The following ASIP variants were observed in gnomAD, a reference collection of about 807,000 sequenced individuals.
ASIP encodes agouti-signaling protein.
A neutral mutation model predicts 10.3 loss-of-function variants in ASIP; 11 were observed. The observed-to-expected ratio is 1.07, with a 90% CI of 0.68 to 1.78. The LOEUF is 1.78. ASIP is among the 40% of genes most tolerant of loss of function. The pLI is 0.00. For missense variants in ASIP, 180 were observed against 169.2 expected (o/e 1.06, Z -0.35); for synonymous variants, 70 against 70.8 (o/e 0.99, Z 0.06).
chr20:34,203,794 C>T (rs2081803115), intron 1 of ASIP, among the ~76,000 whole-genome samples: 1 of 150,586 alleles, frequency 6.6e-6, no homozygotes, highest in South Asian at 2.1e-4. Flanking sequence ...CACGATCCTG[C>T]CTCACTGCAA....
At chr20:34,222,843 C>T (rs1303706079) in intron 1 of ASIP, among the ~76,000 whole-genome samples, 12 of 151,810 alleles carry the variant, frequency 7.9e-5, no homozygotes, top group Non-Finnish European at 1.0e-4. Flanking sequence ...TTGGCCGGGC[C>T]GGTCTCCAGC....
chr20:34,255,273 C>T (rs531542696), intron 1 of ASIP, among the ~76,000 whole-genome samples: 2 of 152,298 alleles, frequency 1.3e-5, no homozygotes, highest in South Asian at 4.1e-4. Flanking sequence ...CCCTCGTTCT[C>T]AATCCTGTTC....
chr20:34,195,319 G>A (rs765943065), intron 1 of ASIP, among the ~76,000 whole-genome samples: 1 of 152,126 alleles, frequency 6.6e-6, no homozygotes, highest in Non-Finnish European at 1.5e-5. Context: ...CCCTGGAAGC[G>A]TTTGGTTGGG....
At chr20:34,193,269 G>T (rs1380354473), upstream of ASIP, among the ~76,000 whole-genome samples, 4 of 152,170 alleles carry the variant, frequency 2.6e-5, no homozygotes, top group African/African-American at 7.2e-5. Flanking sequence ...AACCAACTTT[G>T]TAGTATCCGG....
At chr20:34,252,707 T>C (rs1227169016) in intron 1 of ASIP, among the ~76,000 whole-genome samples, 1 of 152,128 alleles carries the variant, frequency 6.6e-6, no homozygotes, top group Non-Finnish European at 1.5e-5. Context: ...GGGTGTCGGG[T>C]TGGGGGATGG....
intron 1 of ASIP, chr20:34,246,461 G>A (rs1601595410): frequency 2.9e-6 from 4 of 1,402,496 alleles, no homozygotes; most frequent in East Asian, 4.6e-5. Flanking sequence ...GACTCGAAGT[G>A]GGTAATTGGC....
At chr20:34,245,423 C>G (rs766664167) in intron 1 of ASIP, among the ~76,000 whole-genome samples, 5 of 151,048 alleles carry the variant, frequency 3.3e-5, no homozygotes, top group Non-Finnish European at 4.4e-5. Context: ...GAGTCTCACT[C>G]TGTCACCCAG....
rs1205313 is a variant in ASIP, at chr20:34,211,026, T to G, written c.-11+16266T>G. Among the ~76,000 whole-genome samples the G allele has an allele frequency of 2.3e-3, 356 of 152,324 alleles. 1 individual carries two copies. The Middle Eastern group carries it at 0.054, about 23-fold the overall frequency. ...ATGTAATTTTTCTCTTGTAGTGTTC[T>G]CTCTCTTTTTTAAAGAGACAGGTCT... On this transcript the variant is annotated intron_variant, in intron 1 of 3. Transcript: ENST00000568305.
intron 1 of ASIP, among the ~76,000 whole-genome samples, chr20:34,253,447 T>TTTATTTATTTA (rs753952407): frequency 1.9e-5 from 2 of 103,764 alleles, no homozygotes; most frequent in African/African-American, 1.3e-4. Flanking sequence ...TTTTATTTTA[T>TTTATTTATTTA]TTTATTTATT....
At chr20:34,210,074 C>T (rs189871046) in intron 1 of ASIP, among the ~76,000 whole-genome samples, 4 of 152,330 alleles carry the variant, frequency 2.6e-5, no homozygotes, top group Admixed American at 2.6e-4. Flanking sequence ...TATTTTGTCA[C>T]TCAGTAAAGC....
At chr20:34,233,792 T>C (rs1261979341) in intron 1 of ASIP, among the ~76,000 whole-genome samples, 1 of 152,150 alleles carries the variant, frequency 6.6e-6, no homozygotes. Flanking sequence ...GTGGCCACAA[T>C]TGGCTGATCA....
At chr20:34,253,028 T>G (rs745807340) in intron 1 of ASIP, among the ~76,000 whole-genome samples, 8 of 152,230 alleles carry the variant, frequency 5.3e-5, no homozygotes, top group Admixed American at 1.3e-4. Flanking sequence ...GAAACAATTT[T>G]TCTTAGTACA....
chr20:34,213,757 C>T, intron 1 of ASIP: 2 of 1,506,110 alleles, frequency 1.3e-6, no homozygotes, highest in Admixed American at 1.7e-5. Flanking sequence ...AGTACAGACT[C>T]CACTTCTGAG....
At position 34,201,048 on chromosome 20, in the gene ASIP, CTTTCTTTCTTTCTTT is replaced by C. The variant is rs1248023331; in HGVS notation, c.-11+6292_-11+6306del. ...TCTTTCTTTCTTTCTTTCTTTCTTT[CTTTCTTTCTTTCTTT>C]TTTTTCCTCCAGAATGTCTTATTTA... On this transcript the variant is annotated intron_variant, in intron 1 of 3. Coordinates refer to the ASIP transcript ENST00000568305. Among the ~76,000 whole-genome samples, 5 of 107,460 alleles carry C rather than the reference CTTTCTTTCTTTCTTT, an allele frequency of 4.7e-5. No individual in the cohort carries two copies. In the East Asian group the frequency reaches 1.2e-3, roughly 26 times the overall value. 70.5% of individuals were successfully genotyped at this position (107,460 alleles called of 152,430 possible). A position where few individuals can be genotyped will look rare whatever the true frequency, so the allele number is the denominator to read the frequency against.
At chr20:34,242,812 C>T (rs2035304767) in intron 1 of ASIP, among the ~76,000 whole-genome samples, 1 of 152,242 alleles carries the variant, frequency 6.6e-6, no homozygotes, top group Admixed American at 6.5e-5. Flanking sequence ...CTGTCACAGA[C>T]TGTCAGCTCA....
At chr20:34,243,843 T>C (rs1295013849) in intron 1 of ASIP, among the ~76,000 whole-genome samples, 1 of 150,530 alleles carries the variant, frequency 6.6e-6, no homozygotes, top group Non-Finnish European at 1.5e-5. Context: ...GGCGGGTGGA[T>C]CATGAAGTCA....
chr20:34,199,653 A>G (rs2034880492), intron 1 of ASIP, among the ~76,000 whole-genome samples: 1 of 152,178 alleles, frequency 6.6e-6, no homozygotes, highest in African/African-American at 2.4e-5. Context: ...CCATTTCTCT[A>G]CTAGGTTGTC....
At chr20:34,266,445 G>A (rs2035787569) in intron 3 of ASIP, among the ~76,000 whole-genome samples, 1 of 151,994 alleles carries the variant, frequency 6.6e-6, no homozygotes, top group African/African-American at 2.4e-5. Context: ...GGCTGAGGCA[G>A]GCAGATCACC....
At chr20:34,249,305 C>T (rs984874780) in intron 1 of ASIP, among the ~76,000 whole-genome samples, 3 of 151,740 alleles carry the variant, frequency 2.0e-5, no homozygotes, top group Non-Finnish European at 4.4e-5. Flanking sequence ...TTCCCATCCC[C>T]CGCCCCCAAT....
Sources: allele counts gnomAD v4.1 joint callset (sites outside exome capture counted in the v4.1 genomes callset), GRCh38; gene constraint gnomAD v4.1.1; transcripts MANE v1.5; gene names NCBI Gene and HGNC (gene_info 2026-07-23, HGNC 2026-07-21).